SYTL3: variants seen among roughly 807,000 people sequenced by gnomAD.
SYTL3 encodes synaptotagmin like 3.
SYTL3 carries 88 observed loss-of-function variants against 82.1 expected under a neutral mutation model. That is an observed-to-expected ratio of 1.07 (90% CI 0.90 to 1.28). The LOEUF is 1.28. Among genes scored for constraint, SYTL3 ranks in the 50% most tolerant of loss-of-function variants. The pLI, the probability that SYTL3 is intolerant of heterozygous loss-of-function variation, is 0.00. For synonymous variants in SYTL3, 311 were observed against 289.4 expected (o/e 1.07, Z -0.76); for missense variants, 831 against 757.6 (o/e 1.10, Z -1.14).
chr6:158,672,150 G>A (rs192242002), intron 5 of SYTL3, among the ~76,000 whole-genome samples: 1 of 152,200 alleles, frequency 6.6e-6, no homozygotes, highest in East Asian at 1.9e-4. Context: ...AATTAGGTGG[G>A]CATGGTCGTG....
At chr6:158,764,299 T>C (rs556547753) in intron 17 of SYTL3, among the ~76,000 whole-genome samples, 196 bp from the exon 18 acceptor site, 95 of 152,326 alleles carry the variant, frequency 6.2e-4, no homozygotes, top group African/African-American at 2.2e-3. Flanking sequence ...GAGCAGAGGA[T>C]GCCTGCGTGA....
chr6:158,683,215 CTTTTTTTTTTTTTT>C (rs35183958), intron 6 of SYTL3, among the ~76,000 whole-genome samples: 12 of 92,134 alleles, frequency 1.3e-4, no homozygotes, highest in Admixed American at 1.2e-3. Flanking sequence ...GGCCCTATTC[CTTTTTTTTTTTTTT>C]TTTTTTTTTT....
At chr6:158,691,354 A>AG (rs976533135) in intron 6 of SYTL3, among the ~76,000 whole-genome samples, 3 of 151,968 alleles carry the variant, frequency 2.0e-5, no homozygotes, top group African/African-American at 7.3e-5. Context: ...CAAAAGAAAA[A>AG]AAAAAAAGTG....
chr6:158,737,310 G>A (rs886646388), intron 11 of SYTL3, among the ~76,000 whole-genome samples: 5 of 152,194 alleles, frequency 3.3e-5, no homozygotes, highest in Non-Finnish European at 5.9e-5. Flanking sequence ...GCACTGGAAG[G>A]CTGCTGTGTG....
chr6:158,678,725 A>ATG (rs2128399390), intron 5 of SYTL3, among the ~76,000 whole-genome samples: 1 of 152,294 alleles, frequency 6.6e-6, no homozygotes, highest in South Asian at 2.1e-4. Flanking sequence ...CATGCAGTTA[A>ATG]TGTGAAGGTC....
Position 158,696,828 on chromosome 6 carries a change from A to T in SYTL3, c.395-10402A>T, listed in dbSNP as rs553421239. 1.5e-3 allele frequency among the ~76,000 whole-genome samples: 221 copies of T among 152,278 alleles called. 2 individuals are homozygous for T. The highest frequency in any genetic ancestry group is 2.5e-3 in the Non-Finnish European group (171 of 68,008). On this transcript the variant is annotated intron_variant, in intron 6 of 17. Transcript: ENST00000611299. ...GTGGTACTGATATAAAGACGGACAT[A>T]TAGACCAATGGAATAGAATAGAAAG...
At chr6:158,753,729 C>CAAAA (rs11419212) in intron 13 of SYTL3, among the ~76,000 whole-genome samples, 10 of 109,732 alleles carry the variant, frequency 9.1e-5, no homozygotes, top group Non-Finnish European at 1.3e-4. Context: ...GACTCCGTCT[C>CAAAA]AAAAAAAAAA....
intron 11 of SYTL3, among the ~76,000 whole-genome samples, chr6:158,732,524 T>A (rs1238526874): frequency 6.6e-6 from 1 of 152,210 alleles, no homozygotes; most frequent in Non-Finnish European, 1.5e-5. Flanking sequence ...GCATAGTAGG[T>A]CCTTTTCAAA....
intron 6 of SYTL3, among the ~76,000 whole-genome samples, chr6:158,694,760 T>C (rs1218790535): frequency 6.6e-6 from 1 of 152,238 alleles, no homozygotes; most frequent in Non-Finnish European, 1.5e-5. Context: ...TCCCCGATGC[T>C]TTCTGAGCGC....
At position 158,707,430 on chromosome 6, in the gene SYTL3, C is replaced by A. The variant is rs139235125; in HGVS notation, c.446+149C>A. On this transcript the variant is annotated intron_variant, in intron 7 of 17. Transcript: ENST00000611299. ...TTTTTTTTCTTTTAAAGATAAAGTT[C>A]CTGAAAAAGATTAAAGCAGAGATGT... 8.4e-4 allele frequency: 542 copies of A among 644,024 alleles called. 2 individuals carry two copies. In the African/African-American group the frequency reaches 9.0e-3, roughly 11 times the overall value. 39.9% of individuals were successfully genotyped at this position (644,024 alleles called of 1,614,324 possible).
At chr6:158,659,163 C>G (rs1583135308) in intron 2 of SYTL3, among the ~76,000 whole-genome samples, 1 of 152,174 alleles carries the variant, frequency 6.6e-6, no homozygotes, top group Non-Finnish European at 1.5e-5. Context: ...TAAGCTCAGT[C>G]CCAGGCAACT....
intron 6 of SYTL3, among the ~76,000 whole-genome samples, chr6:158,693,709 C>CTTTG (rs1174285977): frequency 7.0e-6 from 1 of 142,044 alleles, no homozygotes; most frequent in African/African-American, 3.0e-5. Flanking sequence ...TTCTTTCTTT[C>CTTTG]TTTCTTTCTT....
intron 6 of SYTL3, among the ~76,000 whole-genome samples, chr6:158,694,596 A>C (rs1780367594): frequency 6.6e-6 from 1 of 152,148 alleles, no homozygotes; most frequent in Non-Finnish European, 1.5e-5. Context: ...CACCTGGCTG[A>C]TTTTATTCAT....
intron 13 of SYTL3, among the ~76,000 whole-genome samples, chr6:158,754,548 G>A (rs1034371854): frequency 7.2e-5 from 11 of 152,124 alleles, no homozygotes; most frequent in African/African-American, 1.9e-4. Flanking sequence ...GTGAAACCCC[G>A]TCTCTACTAA....
chr6:158,742,582 C>CTTTT (rs1274265535), intron 11 of SYTL3, among the ~76,000 whole-genome samples: 1 of 124,092 alleles, frequency 8.1e-6, no homozygotes. Flanking sequence ...TTTTTTTTTG[C>CTTTT]TTTTTTTTTT....
At chr6:158,714,706 A>G (rs1344378740) in intron 9 of SYTL3, among the ~76,000 whole-genome samples, 1 of 152,188 alleles carries the variant, frequency 6.6e-6, no homozygotes, top group African/African-American at 2.4e-5. Context: ...AGTGTGCTCA[A>G]GGGTCCTTAG....
At chr6:158,690,641 A>G (rs1779764348) in intron 6 of SYTL3, among the ~76,000 whole-genome samples, 1 of 152,218 alleles carries the variant, frequency 6.6e-6, no homozygotes, top group Admixed American at 6.5e-5. Context: ...AATGAGCCTC[A>G]GTTCTTCATT....
chr6:158,753,069 C>A (rs1022731354), intron 13 of SYTL3, among the ~76,000 whole-genome samples: 1 of 139,842 alleles, frequency 7.2e-6, no homozygotes, highest in Non-Finnish European at 1.5e-5. Flanking sequence ...TAAAACATTT[C>A]TTCTTTTCTT....
chr6:158,676,639 T>A (rs1778063200), intron 5 of SYTL3, among the ~76,000 whole-genome samples: 2 of 151,734 alleles, frequency 1.3e-5, no homozygotes. Context: ...TGAGAGAAAA[T>A]TTTTGCAACC....
Sources: gnomAD v4.1 joint callset for allele counts (sites outside exome capture counted in the v4.1 genomes callset) on GRCh38, gnomAD v4.1.1 for gene constraint, MANE v1.5 for transcripts, NCBI Gene and HGNC (gene_info 2026-07-23, HGNC 2026-07-21) for gene names.